The following SUPT16H variants were observed in gnomAD, a reference collection of about 807,000 sequenced individuals.
SUPT16H encodes FACT complex subunit SPT16.
Under a neutral mutation model 136.2 loss-of-function variants are expected in SUPT16H, and 24 were observed. The ratio of observed to expected loss-of-function variants is 0.18; its 90% CI spans 0.13 to 0.25. SUPT16H has a LOEUF of 0.25. Among genes scored for constraint, SUPT16H ranks in the 10% least tolerant of loss-of-function variants. The pLI is 1.00. For missense variants in SUPT16H, 623 were observed against 1,270.2 expected, an observed-to-expected ratio of 0.49 and a Z score of 7.74; for synonymous variants, 415 against 428.2, an observed-to-expected ratio of 0.97 and a Z score of 0.38.
chr14:21,379,496 A>T (rs2065096), intron 1 of SUPT16H, among the ~76,000 whole-genome samples: 129,982 of 150,210 alleles, frequency 0.87, 56,717 homozygotes, highest in Middle Eastern at 0.94. Flanking sequence ...AGCAATATTT[A>T]AAAAAAAATC....
Position 21,363,052 on chromosome 14 carries a change from C to G in SUPT16H, c.1493G>C (p.Gly498Ala). 2 of 1,614,006 alleles carry G rather than the reference C, an allele frequency of 1.2e-6. No individual in the cohort carries two copies. Among genetic ancestry groups the G allele is most frequent in the South Asian group, 2.2e-5 (2 of 91,078 alleles). ...EAKRRLTEQK[G>A]EQQIQKARKS... Reference sequence around the variant, plus strand: ...CTCTTACTTCTGAATCTGCTGTTCTCCCTTTTGTTCAGTCAATCGCCTCTT... The same window carrying G: ...CTCTTACTTCTGAATCTGCTGTTCTGCCTTTTGTTCAGTCAATCGCCTCTT... The change falls in exon 13 of 26, where the codon GGA becomes GCA. Residue 498 changes from glycine to alanine, a missense_variant. Gly to Ala is a moderately conservative substitution (Grantham distance 60). Transcript: ENST00000216297.
chr14:21,361,999 T>C (rs183612625), intron 15 of SUPT16H, among the ~76,000 whole-genome samples, 198 bp downstream of exon 15: 173 of 152,324 alleles, frequency 1.1e-3, no homozygotes, highest in Non-Finnish European at 1.6e-3. Flanking sequence ...AGTAAATATA[T>C]AGTATCTTCA....
intron 18 of SUPT16H, among the ~76,000 whole-genome samples, chr14:21,359,970 C>T (rs913219857): frequency 1.3e-5 from 2 of 152,138 alleles, no homozygotes; most frequent in Admixed American, 1.3e-4. Context: ...GGCCTTGTGG[C>T]CTTTAGAGGC....
intron 3 of SUPT16H, among the ~76,000 whole-genome samples, 155 bp from the exon 4 acceptor site, chr14:21,370,643 G>A (rs1260777450): frequency 6.6e-6 from 1 of 152,156 alleles, no homozygotes; most frequent in Non-Finnish European, 1.5e-5. Context: ...ACAGGGTCTT[G>A]TTCTACTACC....
intron 8 of SUPT16H, 112 bp downstream of exon 8, chr14:21,366,327 G>A (rs1299421147): frequency 1.1e-6 from 1 of 951,292 alleles, no homozygotes; most frequent in Non-Finnish European, 1.6e-6. Context: ...AGTATAGTTT[G>A]CTAGTCCATA....
At chr14:21,372,177 T>G (rs1036907483) in intron 2 of SUPT16H, 133 bp from the exon 3 acceptor site, 84 of 1,009,062 alleles carry the variant, frequency 8.3e-5, no homozygotes, top group East Asian at 6.1e-4. Flanking sequence ...GGCTGGGGAG[T>G]CTGGAGTGGA....
chr14:21,373,459 T>G (rs772728927), intron 1 of SUPT16H, 29 bp from the exon 2 acceptor site: 13 of 1,486,784 alleles, frequency 8.7e-6, no homozygotes, highest in Admixed American at 1.7e-5. Flanking sequence ...CATCACTTAA[T>G]TTTTCACACT....
chr14:21,353,658 CATTAG>C (rs770546279), intron 24 of SUPT16H, 40 bp downstream of exon 24: 31 of 1,605,376 alleles, frequency 1.9e-5, no homozygotes, highest in African/African-American at 2.7e-5. Context: ...TCAGAAATGA[CATTAG>C]ATTAGGAAGC....
rs1286762985 is a variant in SUPT16H, at chr14:21,355,530, AAAAAAAG to A, written c.2661-997_2661-991del. 1.3e-4 allele frequency among the ~76,000 whole-genome samples: 19 copies of A among 149,862 alleles called. 1 individual carries two copies. Among genetic ancestry groups the A allele is most frequent in the South Asian group, 1.0e-3 (5 of 4,810 alleles). ...AATAATAATAAAAAAAAAAAAAAAAAAAAAAAGAAAGAAACAGGGACAATTTTCAATG... is the reference window on the plus strand; with the variant it reads ...AATAATAATAAAAAAAAAAAAAAAAAAAAGAAACAGGGACAATTTTCAATG... On this transcript the variant is annotated intron_variant, in intron 22 of 25. Coordinates refer to ENST00000216297, the MANE Select transcript of SUPT16H (RefSeq NM_007192.4).
intron 22 of SUPT16H, 101 bp downstream of exon 22, chr14:21,357,096 C>T: frequency 8.1e-7 from 1 of 1,236,772 alleles, no homozygotes. Context: ...GGCAGTCTCA[C>T]TTTAAGTATA....
intron 10 of SUPT16H, 53 bp downstream of exon 10, chr14:21,364,764 GGTCCACAAAC>G: frequency 7.0e-7 from 1 of 1,424,328 alleles, no homozygotes; most frequent in East Asian, 2.3e-5. Context: ...AAAACCACAG[GGTCCACAAAC>G]GTGCCTCAGA....
intron 14 of SUPT16H, among the ~76,000 whole-genome samples, 188 bp from the exon 15 acceptor site, chr14:21,362,512 CA>C (rs1048257413): frequency 6.6e-6 from 1 of 152,138 alleles, no homozygotes; most frequent in African/African-American, 2.4e-5. Flanking sequence ...TCTGAATTCT[CA>C]AAGTACCTTG....
At chr14:21,361,310 G>GA in intron 15 of SUPT16H, 97 bp from the exon 16 acceptor site, 3 of 853,288 alleles carry the variant, frequency 3.5e-6, no homozygotes, top group Non-Finnish European at 4.8e-6. Flanking sequence ...TCTCTACTTT[G>GA]CTTTTTTTTT....
chr14:21,359,830 T>A (rs987792971), intron 18 of SUPT16H, among the ~76,000 whole-genome samples: 2 of 152,212 alleles, frequency 1.3e-5, no homozygotes, highest in African/African-American at 4.8e-5. Flanking sequence ...ATCATGTTGG[T>A]AACAAATCTT....
At chr14:21,361,310 G>GC (rs1555309219) in intron 15 of SUPT16H, 97 bp from the exon 16 acceptor site, 11 of 853,356 alleles carry the variant, frequency 1.3e-5, no homozygotes, top group African/African-American at 2.9e-5. Context: ...TCTCTACTTT[G>GC]CTTTTTTTTT....
chr14:21,369,357 T>C lies in SUPT16H; in HGVS notation c.631-2A>G. On this transcript the variant is annotated splice_acceptor_variant, in intron 5 of 25. Coordinates refer to ENST00000216297, the MANE Select transcript of SUPT16H (RefSeq NM_007192.4). LOFTEE classifies it high-confidence loss of function. The stretch of plus-strand genomic sequence containing the variant: ...AGCCAGTTTGCTGTGTCGAACTTTC[T>C]GTAAGAGCATCCAGAAATAAAGTAA... 6.2e-7 allele frequency: 1 copy of C among 1,614,090 alleles called. No individual in the cohort carries two copies. Among genetic ancestry groups the C allele is most frequent in the Non-Finnish European group, 8.5e-7 (1 of 1,179,966 alleles).
intron 2 of SUPT16H, among the ~76,000 whole-genome samples, chr14:21,372,894 G>A (rs919523746): frequency 1.3e-5 from 2 of 152,142 alleles, no homozygotes; most frequent in African/African-American, 4.8e-5. Context: ...TGTCCAATAT[G>A]GGGTAGCCAC....
At position 21,354,465 on chromosome 14, in the gene SUPT16H, G is replaced by T. The variant is rs1831448426; in HGVS notation, c.2736C>A (p.Asp912Glu). 1 of 1,614,040 alleles carries T rather than the reference G, an allele frequency of 6.2e-7. No homozygotes were observed. Among genetic ancestry groups the T allele is most frequent in the Admixed American group, 1.7e-5 (1 of 60,006 alleles). The change falls in exon 23 of 26, where the codon GAC becomes GAA. Residue 912 changes from aspartate to glutamate, a missense_variant. Asp to Glu is a conservative substitution (Grantham distance 45). Transcript: ENST00000216297. ...WTKIMKTIVD[D>E]PEGFFEQGGW... ...CACCTTGTTCGAAGAAGCCCTCAGG[G>T]TCATCAACAATGGTCTTCATGATTT... is the stretch of plus-strand genomic sequence containing the variant.
chr14:21,357,400 G>A (rs769065523), intron 21 of SUPT16H, 34 bp from the exon 22 acceptor site: 1 of 1,512,872 alleles, frequency 6.6e-7, no homozygotes, highest in Non-Finnish European at 8.9e-7. Flanking sequence ...TAGCATATAA[G>A]TATTTCCCCC....
Sources: gnomAD v4.1 joint callset for allele counts (sites outside exome capture counted in the v4.1 genomes callset) on GRCh38, gnomAD v4.1.1 for gene constraint, MANE v1.5 for transcripts, NCBI Gene and HGNC (gene_info 2026-07-23, HGNC 2026-07-21) for gene names.